Variants in AMOTL1 observed in about 807,000 individuals in gnomAD.
AMOTL1 encodes the protein angiomotin-like protein 1.
A neutral mutation model predicts 102.9 loss-of-function variants in AMOTL1; 45 were observed. The ratio of observed to expected loss-of-function variants is 0.44; its 90% CI spans 0.34 to 0.56. The LOEUF is 0.56. AMOTL1 is among the 20% of genes least tolerant of loss of function. The pLI is 0.01. For missense variants in AMOTL1, 1,114 were observed against 1,225.6 expected, an observed-to-expected ratio of 0.91 and a Z score of 1.36; for synonymous variants, 481 against 484.7, an observed-to-expected ratio of 0.99 and a Z score of 0.10.
intron 6 of AMOTL1, among the ~76,000 whole-genome samples, chr11:94,840,116 G>T (rs890504635): frequency 1.3e-5 from 2 of 152,014 alleles, no homozygotes; most frequent in Admixed American, 6.6e-5. Context: ...GAAAGAAAGA[G>T]AAAGCTTTCT....
chr11:94,859,830 A>C, intron 9 of AMOTL1, 115 bp downstream of exon 9: 1 of 1,189,398 alleles, frequency 8.4e-7, no homozygotes. Context: ...GTCAGCTAAA[A>C]ATTATTTTTA....
chr11:94,786,462 C>T lies in AMOTL1; in HGVS notation c.50-8549C>T, dbSNP rs538479819. 5.1e-3 allele frequency among the ~76,000 whole-genome samples: 771 copies of T among 152,320 alleles called. 4 individuals carry two copies. The highest frequency in any genetic ancestry group is 8.0e-3 in the Non-Finnish European group (541 of 68,032). On this transcript the variant is annotated intron_variant, in intron 1 of 12. Transcript: ENST00000433060. ...CAAGGGCCGCATTTAGGGCACAGTC[C>T]TGTGGGCTCAGGACCTGCCTGTGGG...
At chr11:94,712,612 C>T (rs1397601164) in intron 1 of AMOTL1, among the ~76,000 whole-genome samples, 1 of 151,990 alleles carries the variant, frequency 6.6e-6, no homozygotes, top group African/African-American at 2.4e-5. Context: ...TATCCAGAAT[C>T]TCTAAAGAAC....
rs745575797 is a variant in AMOTL1 at position 94,799,903 on chromosome 11, G to A, written c.713G>A (p.Arg238His). ...SRTEGRPTVNRANSGQAHKDE... is the reference protein window; with the variant it reads ...SRTEGRPTVNHANSGQAHKDE... ...ACTGAGGGGAGGCCCACTGTGAACCGTGCCAACAGTGGACAGGCGCATAAG... is the reference window on the plus strand; with the variant it reads ...ACTGAGGGGAGGCCCACTGTGAACCATGCCAACAGTGGACAGGCGCATAAG... The change falls in exon 3 of 13, where the codon CGT (arginine) becomes CAT (histidine). Residue 238 changes from arginine (R) to histidine (H), a missense_variant. Coordinates refer to ENST00000433060, the MANE Select transcript of AMOTL1 (RefSeq NM_130847.3). The surrounding 1 kb of genome is among the most constrained non-coding windows in gnomAD (Gnocchi z 4.5). The A allele has an allele frequency of 2.7e-5, 43 of 1,606,596 alleles. No homozygotes were observed. Among genetic ancestry groups the A allele is most frequent in the South Asian group, 1.8e-4 (16 of 89,406 alleles).
At chr11:94,840,681 T>TATATATATACACACACAC (rs1166713705) in intron 6 of AMOTL1, among the ~76,000 whole-genome samples, 1 of 104,786 alleles carries the variant, frequency 9.5e-6, no homozygotes. Context: ...TATATATATA[T>TATATATATACACACACAC]ACACACACAC....
intron 6 of AMOTL1, among the ~76,000 whole-genome samples, chr11:94,844,901 C>G (rs1952376889): frequency 6.6e-6 from 1 of 152,214 alleles, no homozygotes; most frequent in Non-Finnish European, 1.5e-5. Flanking sequence ...CTGGACTCCT[C>G]TATCTCTCCA....
At chr11:94,709,543 T>C (rs1949987421) in intron 1 of AMOTL1, among the ~76,000 whole-genome samples, 1 of 152,128 alleles carries the variant, frequency 6.6e-6, no homozygotes, top group African/African-American at 2.4e-5. Context: ...GAGACCAGCA[T>C]ACTGTGAGAA....
chr11:94,815,276 A>G (rs986979170), intron 3 of AMOTL1, among the ~76,000 whole-genome samples: 1 of 152,194 alleles, frequency 6.6e-6, no homozygotes, highest in Non-Finnish European at 1.5e-5. Context: ...TTTTATGTAA[A>G]CTTTGATAAA....
rs543376890 is a variant in AMOTL1, at chr11:94,722,017, G to A, written c.-50-6904G>A. Among the ~76,000 whole-genome samples the A allele has an allele frequency of 1.8e-4, 27 of 152,180 alleles. No individual in the cohort carries two copies. In the South Asian group the frequency reaches 5.4e-3, roughly 30 times the overall value. On this transcript the variant is annotated intron_variant, in intron 1 of 4. Transcript: ENST00000299004. ...TTGTCTCTTTGCCTCATAGACTTCA[G>A]CCTAGCTCCTTCTCTCACATAGCAA...
chr11:94,769,605 C>T (rs142891555), intron 1 of AMOTL1, among the ~76,000 whole-genome samples: 1 of 152,130 alleles, frequency 6.6e-6, no homozygotes, highest in African/African-American at 2.4e-5. Context: ...AGATTTTTGC[C>T]TTTTTGGCTT....
intron 3 of AMOTL1, among the ~76,000 whole-genome samples, chr11:94,801,077 C>T (rs1951469521): frequency 6.6e-6 from 1 of 152,020 alleles, no homozygotes. Flanking sequence ...ATGTGCTGTT[C>T]TAGGAGAGAA....
intron 3 of AMOTL1, among the ~76,000 whole-genome samples, chr11:94,816,236 G>T (rs1185204435): frequency 1.3e-5 from 2 of 152,070 alleles, no homozygotes; most frequent in African/African-American, 4.8e-5. Context: ...GCTCCCGTAA[G>T]TTTTATTCCT....
At chr11:94,770,223 A>G (rs758707650) in intron 1 of AMOTL1, among the ~76,000 whole-genome samples, 6 of 152,208 alleles carry the variant, frequency 3.9e-5, no homozygotes, top group Non-Finnish European at 7.3e-5. Flanking sequence ...AGAGCAACTG[A>G]CATTTACTTC....
At position 94,836,324 on chromosome 11, in the gene AMOTL1, G is replaced by T. The variant is rs564190250; in HGVS notation, c.1648+4783G>T. ...TTTACCTCCTCTTATGGACCAATCA[G>T]CACTAGTGCTTGCAGCTGCTCCTGA... On this transcript the variant is annotated intron_variant, in intron 6 of 12. Transcript: ENST00000433060. Among the ~76,000 whole-genome samples the T allele has an allele frequency of 6.6e-5, 10 of 152,312 alleles. No individual in the cohort carries two copies. The South Asian group carries it at 1.9e-3, about 28-fold the overall frequency.
intron 3 of AMOTL1, among the ~76,000 whole-genome samples, chr11:94,751,064 G>A (rs1289081766): frequency 6.6e-6 from 1 of 151,530 alleles, no homozygotes; most frequent in African/African-American, 2.4e-5. Flanking sequence ...CGGTTTTCTA[G>A]GAAGGAGAAT....
chr11:94,750,300 C>T (rs920766629), intron 3 of AMOTL1, among the ~76,000 whole-genome samples: 1 of 152,176 alleles, frequency 6.6e-6, no homozygotes, highest in Non-Finnish European at 1.5e-5. Context: ...GACCCGTGAA[C>T]ACCGTGATAA....
At position 94,761,946 on chromosome 11, in the gene AMOTL1, C is replaced by T. The variant is rs80304303; in HGVS notation, c.136+20958C>T. ...TGAAAATATATGTTTTCAGTATAAA[C>T]ATCCAATAATTACTTTCAAAATGGG... On this transcript the variant is annotated intron_variant, in intron 3 of 4. Coordinates refer to the AMOTL1 transcript ENST00000299004. Among the ~76,000 whole-genome samples the T allele has an allele frequency of 7.2e-3, 1,095 of 152,300 alleles. 9 individuals are homozygous for T. The highest frequency in any genetic ancestry group is 0.025 in the African/African-American group (1,028 of 41,562).
chr11:94,754,046 C>T (rs935201253), intron 3 of AMOTL1, among the ~76,000 whole-genome samples: 5 of 152,180 alleles, frequency 3.3e-5, no homozygotes, highest in African/African-American at 1.2e-4. Context: ...CTTCAGTTTC[C>T]TCATCTGTGA....
intron 3 of AMOTL1, among the ~76,000 whole-genome samples, chr11:94,813,564 C>G (rs193015138): frequency 3.2e-4 from 48 of 152,342 alleles, no homozygotes; most frequent in Admixed American, 6.5e-4. Flanking sequence ...AACCATCCCT[C>G]CCCTCTCTCG....
Sources: gnomAD v4.1 joint callset for allele counts (sites outside exome capture counted in the v4.1 genomes callset) on GRCh38, gnomAD v4.1.1 for gene constraint, Gnocchi (gnomAD v3.1) non-coding constraint, MANE v1.5 for transcripts, NCBI Gene and HGNC (gene_info 2026-07-23, HGNC 2026-07-21) for gene names.